The following POM121L2 variants were observed in gnomAD, a reference collection of about 807,000 sequenced individuals.
POM121L2 encodes POM121 transmembrane nucleoporin like 2.
For missense variants in POM121L2, 1,167 were observed against 1,260.3 expected (o/e 0.93, Z 1.12); for synonymous variants, 459 against 483.8 (o/e 0.95, Z 0.67).
chr6:27,308,677 G>T lies in POM121L2; in HGVS notation c.*386C>A, dbSNP rs1013984319. 2.0e-5 allele frequency among the ~76,000 whole-genome samples: 3 copies of T among 152,192 alleles called. No homozygotes were observed. The highest frequency in any genetic ancestry group is 7.2e-5 in the African/African-American group (3 of 41,450). On this transcript the variant is annotated 3_prime_UTR_variant, in exon 1 of 1. Transcript: ENST00000444565. ...ATAGTGAGTAACAGAGAACATGTTAGTGTTTACCAGCAGTAGGGATGGCAG... is the reference window on the plus strand; with the variant it reads ...ATAGTGAGTAACAGAGAACATGTTATTGTTTACCAGCAGTAGGGATGGCAG...
At position 27,309,976 on chromosome 6, in the gene POM121L2, G is replaced by T; in HGVS notation, c.2195C>A (p.Ala732Asp). Residue 732 changes from alanine (A) to aspartate (D), a missense_variant, in exon 1 of 1, where the codon GCC (alanine) becomes GAC (aspartate). Physicochemically the swap from Ala to Asp is moderately radical, Grantham distance 126 (BLOSUM62 -2). Transcript: ENST00000444565. ...RGMGSPLPAS[A>D]LVSTNWLAST... ...TGCAAGCCAGTTTGTGGATACTAGG[G>T]CAGAGGCAGGCAGAGGGCTGCCCAT... 6.4e-7 allele frequency: 1 copy of T among 1,551,774 alleles called. No individual in the cohort carries two copies. The highest frequency in any genetic ancestry group is 8.7e-7 in the Non-Finnish European group (1 of 1,147,026).
chr6:27,310,354 G>A lies in POM121L2; in HGVS notation c.1817C>T (p.Thr606Ile). The A allele has an allele frequency of 6.4e-7, 1 of 1,552,258 alleles. No individual in the cohort carries two copies. Among genetic ancestry groups the A allele is most frequent in the Non-Finnish European group, 8.7e-7 (1 of 1,147,106 alleles). ...ATGGAAATGATGGGTAGAAGCATGA[G>A]TAAATGGAGGAGGGGTCTGCTTGGA... ...FSSKQTPPPF[T>I]HASTHHFHGL... The change falls in exon 1 of 1, where the codon ACT becomes ATT. Residue 606 changes from threonine to isoleucine, a missense_variant. Coordinates refer to ENST00000444565, the MANE Select transcript of POM121L2 (RefSeq NM_033482.4).
chr6:27,310,948 A>C, intron 1 of POM121L2: 1 of 1,551,972 alleles, frequency 6.4e-7, no homozygotes, highest in South Asian at 1.2e-5. Context: ...CATTTTTCTT[A>C]AGTTTTCCAA....
In POM121L2 at chr6:27,312,227, C is replaced by T; in HGVS notation, c.-57G>A. ...AGCACGGTTTTGGCTTCCGAGGTTT[C>T]GGACGTCTGCAGAATCGGACAGAGT... On this transcript the variant is annotated 5_prime_UTR_variant, in exon 1 of 1. Coordinates refer to ENST00000444565, the MANE Select transcript of POM121L2 (RefSeq NM_033482.4). This position sits in a 1 kb window ranked among gnomAD's most constrained non-coding sequence, Gnocchi z 6.7. 2 of 1,087,752 alleles carry T rather than the reference C, an allele frequency of 1.8e-6. No homozygotes were observed. The highest frequency in any genetic ancestry group is 5.9e-5 in the Admixed American group (2 of 33,696). The allele number at this position is 1,087,752 out of a possible 1,614,324, so 67.4% of individuals were successfully genotyped here.
In POM121L2 at chr6:27,310,045, A is replaced by G. The variant is rs370706292; in HGVS notation, c.2126T>C (p.Val709Ala). ...VTMFTQVLSS[V>A]VQISPRSSTA... Reference sequence around the variant, plus strand: ...GCTGCTTCTAGGGGATATCTGTACAACACTGGAAAGGACCTGGGTAAACAT... The same window carrying G: ...GCTGCTTCTAGGGGATATCTGTACAGCACTGGAAAGGACCTGGGTAAACAT... The change falls in exon 1 of 1, where the codon GTT (valine) becomes GCT (alanine). Residue 709 changes from valine (V) to alanine (A), a missense_variant. By Grantham distance (64) the Val-to-Ala change is moderately conservative (BLOSUM62 0). Coordinates refer to ENST00000444565, the MANE Select transcript of POM121L2 (RefSeq NM_033482.4). 3 of 1,552,278 alleles carry G rather than the reference A, an allele frequency of 1.9e-6. No individual in the cohort carries two copies. The highest frequency in any genetic ancestry group is 2.7e-5 in the African/African-American group (2 of 73,202).
In POM121L2 at chr6:27,311,800, G is replaced by A. The variant is rs1281031560; in HGVS notation, c.371C>T (p.Pro124Leu). ...IWSPVTIRIT[P>L]PDQRVPPSTS... ...GGAAGGGGGCACTCTCTGGTCAGGA[G>A]GAGTGATCCTGATGGTCACTGGGCT... is the stretch of plus-strand genomic sequence containing the variant. Residue 124 changes from proline (P) to leucine (L), a missense_variant, in exon 1 of 1, where the codon CCT (proline) becomes CTT (leucine). By Grantham distance (98) the Pro-to-Leu change is moderately conservative. Coordinates refer to ENST00000444565, the MANE Select transcript of POM121L2 (RefSeq NM_033482.4). 2 of 1,551,810 alleles carry A rather than the reference G, an allele frequency of 1.3e-6. No homozygotes were observed. The highest frequency in any genetic ancestry group is 1.7e-6 in the Non-Finnish European group (2 of 1,147,004).
Position 27,310,602 on chromosome 6 carries a change from T to C in POM121L2, c.1569A>G (p.Ala523=), listed in dbSNP as rs1581499756. 6.4e-7 allele frequency: 1 copy of C among 1,551,676 alleles called. No individual in the cohort carries two copies. The highest frequency in any genetic ancestry group is 1.4e-5 in the African/African-American group (1 of 73,028). The part of the protein sequence containing the change: ...SSPTSHLSAS[A]PPDATSAHLM... ...GGTGAGCAGAAGTTGCATCAGGAGG[T>C]GCAGATGCAGAAAGATGGGATGTTG... Residue 523 remains alanine (A), a synonymous_variant, in exon 1 of 1, where the codon GCA becomes GCG. Coordinates refer to ENST00000444565, the MANE Select transcript of POM121L2 (RefSeq NM_033482.4).
At position 27,309,152 on chromosome 6, in the gene POM121L2, C is replaced by T. The variant is rs1407673973; in HGVS notation, c.3019G>A (p.Ala1007Thr). The T allele has an allele frequency of 6.4e-6, 10 of 1,551,684 alleles. No individual in the cohort carries two copies. The highest frequency in any genetic ancestry group is 1.2e-5 in the South Asian group (1 of 84,066). Residue 1007 changes from alanine (A) to threonine (T), a missense_variant, in exon 1 of 1, where the codon GCC becomes ACC. By Grantham distance (58) the Ala-to-Thr change is moderately conservative (BLOSUM62 0). Transcript: ENST00000444565. ...SVGRGPFRSSASSFSIGAKSK... is the reference protein window; with the variant it reads ...SVGRGPFRSSTSSFSIGAKSK... ...TTTGCGCCAATGGAAAATGAAGAGGCTGATGATCTAAAAGGTCCTCTCCCA... is the reference window on the plus strand; with the variant it reads ...TTTGCGCCAATGGAAAATGAAGAGGTTGATGATCTAAAAGGTCCTCTCCCA...
In POM121L2 at chr6:27,310,364, G is replaced by T; in HGVS notation, c.1807C>A (p.Pro603Thr). ...IAPFSSKQTPPPFTHASTHHF... is the reference protein window; with the variant it reads ...IAPFSSKQTPTPFTHASTHHF... Reference sequence around the variant, plus strand: ...TGGGTAGAAGCATGAGTAAATGGAGGAGGGGTCTGCTTGGAGGAGAAAGGA... The same window carrying T: ...TGGGTAGAAGCATGAGTAAATGGAGTAGGGGTCTGCTTGGAGGAGAAAGGA... The change falls in exon 1 of 1, where the codon CCT (proline) becomes ACT (threonine). Residue 603 changes from proline to threonine, a missense_variant. Physicochemically the swap from Pro to Thr is conservative, Grantham distance 38. Coordinates refer to ENST00000444565, the MANE Select transcript of POM121L2 (RefSeq NM_033482.4). 1 of 1,552,204 alleles carries T rather than the reference G, an allele frequency of 6.4e-7. No homozygotes were observed. Among genetic ancestry groups the T allele is most frequent in the Non-Finnish European group, 8.7e-7 (1 of 1,147,088 alleles).
chr6:27,311,507 A>C lies in POM121L2; in HGVS notation c.664T>G (p.Trp222Gly). The C allele has an allele frequency of 6.4e-7, 1 of 1,551,804 alleles. No individual in the cohort carries two copies. The highest frequency in any genetic ancestry group is 8.7e-7 in the Non-Finnish European group (1 of 1,147,028). Residue 222 changes from tryptophan (W) to glycine (G), a missense_variant, in exon 1 of 1, where the codon TGG (tryptophan) becomes GGG (glycine). Transcript: ENST00000444565. ...PGPLKRSLHSWGSDHSLTKRP... is the reference protein window; with the variant it reads ...PGPLKRSLHSGGSDHSLTKRP... Reference sequence around the variant, plus strand: ...TTAGTCAAGCTGTGATCTGAGCCCCAGGAGTGGAGACTTCTCTTCAGCGGC... The same window carrying C: ...TTAGTCAAGCTGTGATCTGAGCCCCCGGAGTGGAGACTTCTCTTCAGCGGC...
chr6:27,310,976 G>T lies in POM121L2; in HGVS notation c.1195C>A (p.Gln399Lys), dbSNP rs1315976238. The change falls in exon 1 of 1, where the codon CAG becomes AAG. Residue 399 changes from glutamine to lysine, a missense_variant. Coordinates refer to ENST00000444565, the MANE Select transcript of POM121L2 (RefSeq NM_033482.4). ...ALPSSETDLTQGANPQLENLR... is the reference protein window; with the variant it reads ...ALPSSETDLTKGANPQLENLR... ...TTTTCCAACTGAGGATTTGCTCCCTGGGTTAGATCTGTTTCTGAAGAAGGC... is the reference window on the plus strand; with the variant it reads ...TTTTCCAACTGAGGATTTGCTCCCTTGGTTAGATCTGTTTCTGAAGAAGGC... The T allele has an allele frequency of 6.4e-7, 1 of 1,551,934 alleles. No homozygotes were observed. Among genetic ancestry groups the T allele is most frequent in the Admixed American group, 2.0e-5 (1 of 51,016 alleles).
Position 27,310,348 on chromosome 6 carries a change from G to A in POM121L2, c.1823C>T (p.Ala608Val), listed in dbSNP as rs1403458196. The stretch of plus-strand genomic sequence containing the variant: ...CAGGCCATGGAAATGATGGGTAGAA[G>A]CATGAGTAAATGGAGGAGGGGTCTG... ...SKQTPPPFTH[A>V]STHHFHGLVK... The change falls in exon 1 of 1, where the codon GCT (alanine) becomes GTT (valine). Residue 608 changes from alanine to valine, a missense_variant. Coordinates refer to ENST00000444565, the MANE Select transcript of POM121L2 (RefSeq NM_033482.4). 2.6e-6 allele frequency: 4 copies of A among 1,552,258 alleles called. No individual in the cohort carries two copies. The highest frequency in any genetic ancestry group is 2.4e-5 in the East Asian group (1 of 40,922).
At position 27,312,017 on chromosome 6, in the gene POM121L2, G is replaced by A. The variant is rs932534857; in HGVS notation, c.154C>T (p.Arg52Trp). ...GGCCGCCTCCTCACAGGTCTATACCGTGGGGCAGGGTGGGCGCGGTGGACG... is the reference window on the plus strand; with the variant it reads ...GGCCGCCTCCTCACAGGTCTATACCATGGGGCAGGGTGGGCGCGGTGGACG... ...QFVHRAHPAP[R>W]YRPVRRRPNL... Residue 52 changes from arginine to tryptophan, a missense_variant, in exon 1 of 1, where the codon CGG (arginine) becomes TGG (tryptophan). Physicochemically the swap from Arg to Trp is moderately radical, Grantham distance 101 (BLOSUM62 -3). Transcript: ENST00000444565. This position sits in a 1 kb window ranked among gnomAD's most constrained non-coding sequence, Gnocchi z 6.7. 8 of 1,536,240 alleles carry A rather than the reference G, an allele frequency of 5.2e-6. No individual in the cohort carries two copies. The highest frequency in any genetic ancestry group is 7.0e-6 in the Non-Finnish European group (8 of 1,137,488).
In POM121L2 at chr6:27,311,968, G is replaced by A. The variant is rs1225329609; in HGVS notation, c.203C>T (p.Thr68Ile). ...RRPNLDPANP[T>I]TWLANEAWRR... ...CCAGGCCTCGTTGGCCAGCCACGTG[G>A]TTGGATTGGCAGGATCCAGGTTTGG... is the stretch of plus-strand genomic sequence containing the variant. Residue 68 changes from threonine (T) to isoleucine (I), a missense_variant, in exon 1 of 1, where the codon ACC becomes ATC. Coordinates refer to ENST00000444565, the MANE Select transcript of POM121L2 (RefSeq NM_033482.4). 1 of 1,551,374 alleles carries A rather than the reference G, an allele frequency of 6.4e-7. No individual in the cohort carries two copies. The highest frequency in any genetic ancestry group is 8.7e-7 in the Non-Finnish European group (1 of 1,146,784).
chr6:27,309,446 C>G lies in POM121L2; in HGVS notation c.2725G>C (p.Gly909Arg). The G allele has an allele frequency of 1.3e-6, 2 of 1,551,512 alleles. No homozygotes were observed. Among genetic ancestry groups the G allele is most frequent in the Non-Finnish European group, 1.7e-6 (2 of 1,146,890 alleles). The change falls in exon 1 of 1, where the codon GGT becomes CGT. Residue 909 changes from glycine to arginine, a missense_variant. Coordinates refer to ENST00000444565, the MANE Select transcript of POM121L2 (RefSeq NM_033482.4). ...CCAGAGGTGGGGCTCATGTCTGGACCAGTCATTATGATCCCAGACTCATCA... is the reference window on the plus strand; with the variant it reads ...CCAGAGGTGGGGCTCATGTCTGGACGAGTCATTATGATCCCAGACTCATCA... The part of the protein sequence containing the change: ...DCDESGIIMT[G>R]PDMSPTSGAF...
Position 27,310,675 on chromosome 6 carries a change from G to T in POM121L2, c.1496C>A (p.Pro499His). The T allele has an allele frequency of 6.4e-7, 1 of 1,551,946 alleles. No homozygotes were observed. The highest frequency in any genetic ancestry group is 8.7e-7 in the Non-Finnish European group (1 of 1,147,052). Residue 499 changes from proline to histidine, a missense_variant, in exon 1 of 1, where the codon CCT becomes CAT. Pro to His is a moderately conservative substitution (Grantham distance 77). Coordinates refer to ENST00000444565, the MANE Select transcript of POM121L2 (RefSeq NM_033482.4). ...ADRSPMPPDPPAPPTIQSTLL... is the reference protein window; with the variant it reads ...ADRSPMPPDPHAPPTIQSTLL... ...AGTACTTTGGATGGTGGGTGGTGCA[G>T]GTGGGTCTGGGGGCATGGGAGACCT...
rs757230883 is a variant in POM121L2 at position 27,310,743 on chromosome 6, T to C, written c.1428A>G (p.Pro476=). The C allele has an allele frequency of 1.3e-6, 2 of 1,551,826 alleles. No individual in the cohort carries two copies. Among genetic ancestry groups the C allele is most frequent in the South Asian group, 1.2e-5 (1 of 84,040 alleles). ...ILLTPTSPTL[P]VTDTTWPPST... is the part of the protein sequence containing the mutation. ...AAGGCGGCCAGGTGGTGTCAGTAAC[T>C]GGTAATGTGGGAGAGGTGGGGGTCA... Residue 476 remains proline (P), a synonymous_variant, in exon 1 of 1, where the codon CCA becomes CCG. Coordinates refer to ENST00000444565, the MANE Select transcript of POM121L2 (RefSeq NM_033482.4).
At position 27,308,415 on chromosome 6, in the gene POM121L2, GA is replaced by G. The variant is rs34867778; in HGVS notation, c.*647del. Among the ~76,000 whole-genome samples the G allele has an allele frequency of 0.51, 77,813 of 151,952 alleles. 22,167 individuals are homozygous for G. The highest frequency in any genetic ancestry group is 0.78 in the African/African-American group (32,202 of 41,478). The stretch of plus-strand genomic sequence containing the variant: ...TTCTGGTGACTTTATTTATTTTTGA[GA>G]AAAAAATGGAAATAAATGTTCTTCA... On this transcript the variant is annotated 3_prime_UTR_variant, in exon 1 of 1. Coordinates refer to ENST00000444565, the MANE Select transcript of POM121L2 (RefSeq NM_033482.4).
Position 27,310,826 on chromosome 6 carries a change from A to G in POM121L2, c.1345T>C (p.Ser449Pro). ...SLPTPPGCSQ[S>P]ELLPGTSPDS... ...GGAGAGGTGCCTGGAAGGAGCTCTG[A>G]CTGTGAGCACCCAGGTGGGGTCGGT... The change falls in exon 1 of 1, where the codon TCA (serine) becomes CCA (proline). Residue 449 changes from serine to proline, a missense_variant. Transcript: ENST00000444565. 1 of 1,551,752 alleles carries G rather than the reference A, an allele frequency of 6.4e-7. No homozygotes were observed. Among genetic ancestry groups the G allele is most frequent in the Non-Finnish European group, 8.7e-7 (1 of 1,146,992 alleles).
Sources: gnomAD v4.1 joint callset for allele counts (sites outside exome capture counted in the v4.1 genomes callset) on GRCh38, gnomAD v4.1.1 for gene constraint, Gnocchi (gnomAD v3.1) non-coding constraint, MANE v1.5 for transcripts, NCBI Gene and HGNC (gene_info 2026-07-23, HGNC 2026-07-21) for gene names.